Variants in AZIN2 observed in about 807,000 individuals in gnomAD.
AZIN2 encodes the protein ODC antizyme inhibitor-2.
A neutral mutation model predicts 47.8 loss-of-function variants in AZIN2; 28 were observed. The ratio of observed to expected loss-of-function variants is 0.59; its 90% CI spans 0.43 to 0.80. The LOEUF is 0.80. Among genes scored for constraint, AZIN2 ranks in the 30% least tolerant of loss-of-function variants. The pLI is 0.00. For missense variants in AZIN2, 535 were observed against 582.5 expected (o/e 0.92, Z 0.84); for synonymous variants, 221 against 239.4 (o/e 0.92, Z 0.71).
intron 9 of AZIN2, among the ~76,000 whole-genome samples, chr1:33,097,570 C>T (rs766462194): frequency 1.3e-5 from 2 of 152,148 alleles, no homozygotes; most frequent in Non-Finnish European, 1.5e-5. Flanking sequence ...CAGGACTGTG[C>T]GCTTTTCCCC....
chr1:33,158,398 C>A, the AZIN2 span: 1 of 1,596,084 alleles, frequency 6.3e-7, no homozygotes. Flanking sequence ...GGGGGCTGCA[C>A]CAGGGACTGG....
the AZIN2 span, among the ~76,000 whole-genome samples, chr1:33,136,694 A>G: frequency 6.6e-6 from 1 of 151,600 alleles, no homozygotes; most frequent in South Asian, 2.1e-4. Context: ...CGGTTCCCCA[A>G]CAACTGTCTA....
the AZIN2 span, among the ~76,000 whole-genome samples, chr1:33,151,861 G>A: frequency 2.0e-5 from 3 of 152,204 alleles, no homozygotes; most frequent in African/African-American, 4.8e-5. Context: ...AAGCCCTCCC[G>A]GGGCACAGCC....
intron 11 of AZIN2, chr1:33,118,381 C>T (rs1205062072): frequency 2.9e-6 from 1 of 344,720 alleles, no homozygotes; most frequent in Non-Finnish European, 5.2e-6. Context: ...GTGCAGAGCC[C>T]TCCCTGAGGC....
intron 9 of AZIN2, 59 bp downstream of exon 9, chr1:33,096,928 G>C: frequency 6.2e-7 from 1 of 1,606,462 alleles, no homozygotes; most frequent in Non-Finnish European, 8.5e-7. Flanking sequence ...ATAGTGGTTG[G>C]CTGAGCAGGA....
the AZIN2 span, chr1:33,165,643 G>T: frequency 7.7e-7 from 1 of 1,299,224 alleles, no homozygotes; most frequent in Non-Finnish European, 1.0e-6. This position sits in a 1 kb window ranked among gnomAD's most constrained non-coding sequence, Gnocchi z 4.0. Flanking sequence ...ACTGCCAGGC[G>T]CTGGGGGTTA....
At chr1:33,095,407 TGGGGAGGTC>T (rs1643043076) in intron 8 of AZIN2, among the ~76,000 whole-genome samples, 4 of 152,200 alleles carry the variant, frequency 2.6e-5, no homozygotes, top group Admixed American at 2.6e-4. Context: ...TTCCTTAATG[TGGGGAGGTC>T]GTTCACAGTC....
chr1:33,082,352 A>G lies in AZIN2; in HGVS notation c.103A>G (p.Thr35Ala). ...ELTLGASQAT[T>A]DEVAAFFVAD... ...CACTCTGGGGGCCTCACAGGCCACC[A>G]CGGTGAGGGGCTGGGAATGGGGGTG... Residue 35 changes from threonine to alanine, a missense_variant and splice_region_variant, in exon 4 of 12, where the codon ACG (threonine) becomes GCG (alanine). By Grantham distance (58) the Thr-to-Ala change is moderately conservative (BLOSUM62 0). Around this residue, in one of 3 missense-constraint regions of AZIN2, gnomAD observed 409 missense variants for 429.0 expected, o/e 0.95. Transcript: ENST00000294517. The G allele has an allele frequency of 1.2e-6, 2 of 1,612,616 alleles. No homozygotes were observed. The highest frequency in any genetic ancestry group is 1.7e-6 in the Non-Finnish European group (2 of 1,179,224).
At position 33,084,146 on chromosome 1, in the gene AZIN2, G is replaced by T; in HGVS notation, c.279+19G>T. The T allele has an allele frequency of 6.2e-7, 1 of 1,604,980 alleles. No homozygotes were observed. The highest frequency in any genetic ancestry group is 1.3e-5 in the African/African-American group (1 of 74,990). ...CAACAAGGTGAGCCCTGCCCGCACG[G>T]TGCACTGACCCTCCATGCCCACTGA... On this transcript the variant is annotated intron_variant, in intron 5 of 11. Transcript: ENST00000294517.
chr1:33,093,607 TC>T (rs972094961), intron 7 of AZIN2, among the ~76,000 whole-genome samples, 191 bp downstream of exon 7: 25 of 152,214 alleles, frequency 1.6e-4, no homozygotes, highest in African/African-American at 5.8e-4. Context: ...AGTCCCAGGG[TC>T]CCCAGAAGGT....
At chr1:33,147,536 CCACCACCTCCCAGTAGTGGA>C in the AZIN2 span, 3 of 1,613,970 alleles carry the variant, frequency 1.9e-6, no homozygotes. The surrounding 1 kb of genome is among the most constrained non-coding windows in gnomAD (Gnocchi z 8.1). Flanking sequence ...TTCTCCGCCA[CCACCACCTCCCAGTAGTGGA>C]CGCCACTACT....
chr1:33,134,790 C>T, the AZIN2 span, among the ~76,000 whole-genome samples: 1 of 152,202 alleles, frequency 6.6e-6, no homozygotes, highest in African/African-American at 2.4e-5. Context: ...AATAGGGGAG[C>T]GAGGATGAGT....
chr1:33,124,317 G>A (rs1057079614), downstream of AZIN2, among the ~76,000 whole-genome samples: 3 of 152,172 alleles, frequency 2.0e-5, no homozygotes, highest in African/African-American at 7.2e-5. This position sits in a 1 kb window ranked among gnomAD's most constrained non-coding sequence, Gnocchi z 4.6. Flanking sequence ...ACTTAATTCT[G>A]TAGGCAGTAG....
At chr1:33,111,152 T>C (rs940357332) in intron 10 of AZIN2, among the ~76,000 whole-genome samples, 1 of 152,384 alleles carries the variant, frequency 6.6e-6, no homozygotes, top group South Asian at 2.1e-4. Context: ...CTAAGGCGAA[T>C]GCTACCATGT....
chr1:33,094,933 G>C (rs1003354546), intron 8 of AZIN2, among the ~76,000 whole-genome samples: 13 of 152,180 alleles, frequency 8.5e-5, no homozygotes, highest in Non-Finnish European at 1.9e-4. Context: ...GCAGAACCTG[G>C]TTCTGCCTGC....
the AZIN2 span, among the ~76,000 whole-genome samples, chr1:33,139,724 C>T: frequency 2.6e-5 from 4 of 152,160 alleles, no homozygotes; most frequent in South Asian, 6.2e-4. Context: ...GGCTGTGGTG[C>T]GTGGCCATTA....
chr1:33,165,521 C>T, the AZIN2 span: 25 of 1,610,904 alleles, frequency 1.6e-5, no homozygotes, highest in Admixed American at 4.2e-4. The surrounding 1 kb of genome is among the most constrained non-coding windows in gnomAD (Gnocchi z 4.0). Context: ...TCGGTGTGTT[C>T]CCGCTCGCTG....
At chr1:33,163,286 G>T in the AZIN2 span, 2 of 152,158 alleles carry the variant, frequency 1.3e-5, no homozygotes, top group African/African-American at 4.8e-5. Context: ...TGATCCGCCC[G>T]CCTCAGCCTC....
the AZIN2 span, among the ~76,000 whole-genome samples, chr1:33,131,601 A>T: frequency 6.6e-6 from 1 of 152,194 alleles, no homozygotes; most frequent in African/African-American, 2.4e-5. Context: ...ATCATTGGAT[A>T]ACATTTTGTA....
Sources: gnomAD v4.1 joint callset for allele counts (sites outside exome capture counted in the v4.1 genomes callset) on GRCh38, gnomAD v4.1.1 for gene constraint, gnomAD v4.1.1 regional missense constraint, Gnocchi (gnomAD v3.1) non-coding constraint, MANE v1.5 for transcripts, NCBI Gene and HGNC (gene_info 2026-07-23, HGNC 2026-07-21) for gene names.